Variants in NUAK1 observed in about 807,000 individuals in gnomAD.
NUAK1 encodes the protein NUAK family SNF1-like kinase 1.
Under a neutral mutation model 56.9 loss-of-function variants are expected in NUAK1, and 26 were observed. The ratio of observed to expected loss-of-function variants is 0.46; its 90% confidence interval spans 0.33 to 0.63. The LOEUF (loss-of-function observed/expected upper bound fraction) is 0.63, where lower values mean the gene tolerates loss of function less well. NUAK1 is among the 30% of genes least tolerant of loss of function. The pLI, the probability that NUAK1 is intolerant of heterozygous loss-of-function variation, is 0.02. For synonymous variants in NUAK1, 337 were observed against 336.0 expected (o/e 1.00, Z -0.03); for missense variants, 727 against 876.1 (o/e 0.83, Z 2.15).
chr12:106,070,185 C>A (rs1286223991), intron 6 of NUAK1, among the ~76,000 whole-genome samples: 1 of 152,224 alleles, frequency 6.6e-6, no homozygotes, highest in Non-Finnish European at 1.5e-5. Flanking sequence ...GCAGCCCCAA[C>A]TGCCATCTGC....
chr12:106,068,951 C>A (rs1214247892), intron 6 of NUAK1, among the ~76,000 whole-genome samples: 2 of 152,152 alleles, frequency 1.3e-5, no homozygotes, highest in African/African-American at 4.8e-5. Context: ...TTCTTGAACG[C>A]CTACAATGTG....
intron 2 of NUAK1, among the ~76,000 whole-genome samples, chr12:106,093,995 G>A (rs1484250059): frequency 6.6e-6 from 1 of 151,716 alleles, no homozygotes; most frequent in East Asian, 1.9e-4. Context: ...TCTTGGTAGA[G>A]ACAGGGTTTC....
chr12:106,129,441 C>T (rs2033056006), intron 1 of NUAK1, among the ~76,000 whole-genome samples: 1 of 152,178 alleles, frequency 6.6e-6, no homozygotes, highest in African/African-American at 2.4e-5. Flanking sequence ...AGACAGCAGC[C>T]CTGCTGCCTT....
Position 106,067,720 on chromosome 12 carries a change from C to G in NUAK1, c.1068G>C (p.Thr356=). The change falls in exon 7 of 7, where the codon ACG becomes ACC. Residue 356 remains threonine (T), a synonymous_variant. Coordinates refer to ENST00000261402, the MANE Select transcript of NUAK1 (RefSeq NM_014840.3). This position sits in a 1 kb window ranked among gnomAD's most constrained non-coding sequence, Gnocchi z 6.0. ...EAKMKGLAKP[T]TSEVMLERQR... Reference sequence around the variant, plus strand: ...GCCGCTCTAGCATGACCTCAGAGGTCGTGGGTTTGGCCAGGCCCTTCATTT... The same window carrying G: ...GCCGCTCTAGCATGACCTCAGAGGTGGTGGGTTTGGCCAGGCCCTTCATTT... 4 of 1,614,194 alleles carry G rather than the reference C, an allele frequency of 2.5e-6. No homozygotes were observed. The highest frequency in any genetic ancestry group is 1.3e-5 in the African/African-American group (1 of 75,054).
intron 1 of NUAK1, among the ~76,000 whole-genome samples, chr12:106,117,711 G>A (rs992664636): frequency 6.6e-6 from 1 of 152,244 alleles, no homozygotes; most frequent in Non-Finnish European, 1.5e-5. Flanking sequence ...CAAAGGTGCA[G>A]GAAGTCCAGC....
At chr12:106,102,372 G>A (rs2032758569) in intron 2 of NUAK1, among the ~76,000 whole-genome samples, 1 of 152,220 alleles carries the variant, frequency 6.6e-6, no homozygotes, top group Non-Finnish European at 1.5e-5. Flanking sequence ...AGATGAAAAT[G>A]TTCTGCAGCT....
In NUAK1 at chr12:106,106,153, G is replaced by A. The variant is rs2032797537; in HGVS notation, c.361+252C>T. Reference sequence around the variant, plus strand: ...GGCTTTCAATAAGGTGGGTTGCTTAGCAACTGCCAAGGAATTAAGAAGACA... The same window carrying A: ...GGCTTTCAATAAGGTGGGTTGCTTAACAACTGCCAAGGAATTAAGAAGACA... On this transcript the variant is annotated intron_variant, in intron 2 of 6. Transcript: ENST00000261402. The A allele has an allele frequency of 5.4e-5, 17 of 314,982 alleles. No homozygotes were observed. The South Asian group carries it at 1.7e-3, about 31-fold the overall frequency. The allele number at this position is 314,982 out of a possible 1,614,324, so 19.5% of individuals were successfully genotyped here.
intron 1 of NUAK1, among the ~76,000 whole-genome samples, chr12:106,133,865 G>A (rs568234844): frequency 6.6e-6 from 1 of 152,244 alleles, no homozygotes; most frequent in Non-Finnish European, 1.5e-5. Context: ...CTTTCACCAG[G>A]CTGGAAGCTC....
In NUAK1 at chr12:106,074,241, AAAT is replaced by A. The variant is rs977531075; in HGVS notation, c.580-1401_580-1399del. Among the ~76,000 whole-genome samples, 9 of 151,946 alleles carry A rather than the reference AAAT, an allele frequency of 5.9e-5. No individual in the cohort carries two copies. In the East Asian group the frequency reaches 7.7e-4, roughly 13 times the overall value. ...CACAAGATAATTAATATATAATGCAAAATAATAATAATAATAATAAACTTAGTT... is the reference window on the plus strand; with the variant it reads ...CACAAGATAATTAATATATAATGCAAAATAATAATAATAATAAACTTAGTT... On this transcript the variant is annotated intron_variant, in intron 4 of 6. Coordinates refer to ENST00000261402, the MANE Select transcript of NUAK1 (RefSeq NM_014840.3).
At chr12:106,124,185 A>C (rs1310665401) in intron 1 of NUAK1, among the ~76,000 whole-genome samples, 1 of 152,234 alleles carries the variant, frequency 6.6e-6, no homozygotes, top group East Asian at 1.9e-4. Flanking sequence ...TGAAAAAGTA[A>C]GGAATCCTGC....
intron 1 of NUAK1, among the ~76,000 whole-genome samples, chr12:106,128,529 G>A (rs933312718): frequency 6.6e-6 from 1 of 152,144 alleles, no homozygotes; most frequent in African/African-American, 2.4e-5. Flanking sequence ...TGAACCACTC[G>A]TGAGCTGAGC....
chr12:106,094,083 A>G (rs1489119135), intron 2 of NUAK1, among the ~76,000 whole-genome samples: 1 of 151,822 alleles, frequency 6.6e-6, no homozygotes, highest in Non-Finnish European at 1.5e-5. Flanking sequence ...TGCTGGGATT[A>G]CAGGCGTGAG....
intron 1 of NUAK1, among the ~76,000 whole-genome samples, chr12:106,130,452 T>C (rs1386293245): frequency 6.6e-6 from 1 of 152,234 alleles, no homozygotes; most frequent in Non-Finnish European, 1.5e-5. Flanking sequence ...ATTAAATACA[T>C]CTATCTGGTT....
intron 2 of NUAK1, among the ~76,000 whole-genome samples, chr12:106,098,527 G>C (rs1247401863): frequency 6.6e-6 from 1 of 152,156 alleles, no homozygotes; most frequent in Non-Finnish European, 1.5e-5. Flanking sequence ...TCTAAAATAG[G>C]AGAAGTGATG....
In NUAK1 at chr12:106,067,469, A is replaced by C. The variant is rs1351714295; in HGVS notation, c.1319T>G (p.Val440Gly). ...KMEQDLCRTG[V>G]LLPSSPEAEV... ...TGCCTCTGGTGAGCTTGGGAGGAGC[A>C]CGCCAGTCCTGCACAAGTCCTGCTC... Residue 440 changes from valine to glycine, a missense_variant, in exon 7 of 7, where the codon GTG becomes GGG. Physicochemically the swap from Val to Gly is moderately radical, Grantham distance 109 (BLOSUM62 -3). Coordinates refer to ENST00000261402, the MANE Select transcript of NUAK1 (RefSeq NM_014840.3). The surrounding 1 kb of genome is among the most constrained non-coding windows in gnomAD (Gnocchi z 6.0). 2 of 1,614,182 alleles carry C rather than the reference A, an allele frequency of 1.2e-6. No homozygotes were observed. The highest frequency in any genetic ancestry group is 8.5e-7 in the Non-Finnish European group (1 of 1,180,036).
In NUAK1 at chr12:106,066,886, G is replaced by C; in HGVS notation, c.1902C>G (p.Asp634Glu). The change falls in exon 7 of 7, where the codon GAC (aspartate) becomes GAG (glutamate). Residue 634 changes from aspartate to glutamate, a missense_variant. By Grantham distance (45) the Asp-to-Glu change is conservative. Transcript: ENST00000261402. ...TGTCTGTGAGGAGGGAGAAGCTGCT[G>C]TCTGCCAGCCGGTTCCGGTACCGCT... ...YLKRYRNRLA[D>E]SSFSLLTDMD... 6.2e-7 allele frequency: 1 copy of C among 1,614,230 alleles called. No homozygotes were observed. The highest frequency in any genetic ancestry group is 8.5e-7 in the Non-Finnish European group (1 of 1,180,028).
intron 2 of NUAK1, among the ~76,000 whole-genome samples, chr12:106,105,597 T>C (rs1392406173): frequency 6.6e-6 from 1 of 152,216 alleles, no homozygotes; most frequent in Admixed American, 6.5e-5. Flanking sequence ...TAGCATGATC[T>C]AACTGGACAA....
At chr12:106,100,676 A>C (rs370133046) in intron 2 of NUAK1, among the ~76,000 whole-genome samples, 117 of 152,336 alleles carry the variant, frequency 7.7e-4, no homozygotes, top group Middle Eastern at 3.4e-3. Flanking sequence ...TTAATGAATA[A>C]ATCGCTTTTT....
intron 4 of NUAK1, among the ~76,000 whole-genome samples, chr12:106,077,317 C>G (rs565866045): frequency 6.6e-6 from 1 of 152,184 alleles, no homozygotes; most frequent in Admixed American, 6.5e-5. Context: ...CTAGAACCCA[C>G]CTCACATAGG....
Sources: gnomAD v4.1 joint callset for allele counts (sites outside exome capture counted in the v4.1 genomes callset) on GRCh38, gnomAD v4.1.1 for gene constraint, Gnocchi (gnomAD v3.1) non-coding constraint, MANE v1.5 for transcripts, NCBI Gene and HGNC (gene_info 2026-07-23, HGNC 2026-07-21) for gene names.